Variants in DLGAP2 observed in about 807,000 individuals in gnomAD.
DLGAP2 encodes the protein disks large-associated protein 2.
A neutral mutation model predicts 100.3 loss-of-function variants in DLGAP2; 26 were observed. The ratio of observed to expected loss-of-function variants is 0.26; its 90% CI spans 0.19 to 0.36. The LOEUF (loss-of-function observed/expected upper bound fraction) is 0.36, where lower values mean the gene tolerates loss of function less well. Ranked by LOEUF, DLGAP2 falls within the 10% of genes least tolerant of loss-of-function variation. The probability of loss-of-function intolerance (pLI) is 1.00; values close to 1 mark genes in which losing one functional copy is unlikely to be tolerated. For missense variants in DLGAP2, 1,858 were observed against 1,453.2 expected (o/e 1.28, Z -4.53); for synonymous variants, 886 against 630.1 (o/e 1.41, Z -6.08).
At chr8:1,674,882 T>A (rs959935166) in intron 10 of DLGAP2, among the ~76,000 whole-genome samples, 1 of 152,212 alleles carries the variant, frequency 6.6e-6, no homozygotes, top group African/African-American at 2.4e-5. Flanking sequence ...TGTACAGACA[T>A]GGAATTTTAA....
At chr8:1,249,963 C>T (rs1297896334) in intron 2 of DLGAP2, among the ~76,000 whole-genome samples, 1 of 152,118 alleles carries the variant, frequency 6.6e-6, no homozygotes, top group Non-Finnish European at 1.5e-5. Context: ...TCACTGCAAC[C>T]TCTGCCTCCC....
intron 2 of DLGAP2, among the ~76,000 whole-genome samples, chr8:990,354 T>C (rs13264857): frequency 0.03 from 1,689 of 56,586 alleles, 9 homozygotes; most frequent in African/African-American, 0.047. Context: ...CTTCTCTCCC[T>C]CCTTGCCCGG....
At chr8:1,420,845 G>T (rs1219575015) in intron 3 of DLGAP2, among the ~76,000 whole-genome samples, 5 of 152,158 alleles carry the variant, frequency 3.3e-5, no homozygotes, top group African/African-American at 1.2e-4. Context: ...TTTCAGAGGT[G>T]CTTCCCCATC....
chr8:822,223 T>C, intron 1 of DLGAP2: 1 of 399,308 alleles, frequency 2.5e-6, no homozygotes, highest in South Asian at 1.3e-4. Flanking sequence ...TTGCTTCCTG[T>C]GTGTGTCCGT....
intron 2 of DLGAP2, among the ~76,000 whole-genome samples, chr8:995,209 C>T (rs1358370094): frequency 6.6e-6 from 1 of 151,984 alleles, no homozygotes; most frequent in Non-Finnish European, 1.5e-5. Context: ...TTTCACATTA[C>T]CGTATAAAAC....
intron 4 of DLGAP2, 38 bp from the exon 5 acceptor site, chr8:1,548,588 G>T (rs1412358043): frequency 6.9e-7 from 1 of 1,444,208 alleles, no homozygotes; most frequent in Non-Finnish European, 9.1e-7. Flanking sequence ...TTTCCGCCGC[G>T]CTTCCGGGTG....
intron 2 of DLGAP2, among the ~76,000 whole-genome samples, chr8:967,079 G>C (rs1366371734): frequency 1.3e-5 from 2 of 152,234 alleles, no homozygotes. Flanking sequence ...AAACTTCTTT[G>C]TGTATTTACC....
At chr8:1,169,004 T>A (rs970242419) in intron 2 of DLGAP2, among the ~76,000 whole-genome samples, 24 of 149,378 alleles carry the variant, frequency 1.6e-4, no homozygotes, top group South Asian at 6.5e-4. Flanking sequence ...CTAGGTTTTT[T>A]ATGGTTTTAG....
rs142601984 is a variant in DLGAP2, at chr8:931,948, G to A, written c.73+23982G>A. ...GAGGGGATGTTTGGTCCCCATGGCT[G>A]GAAGGAAACGGAGGAATGTTTGCCT... On this transcript the variant is annotated intron_variant, in intron 2 of 14. Transcript: ENST00000637795. Among the ~76,000 whole-genome samples, 35 of 152,310 alleles carry A rather than the reference G, an allele frequency of 2.3e-4. 1 individual carries two copies. Among genetic ancestry groups the A allele is most frequent in the African/African-American group, 8.2e-4 (34 of 41,562 alleles).
At chr8:1,677,364 T>A (rs774803644) in intron 11 of DLGAP2, among the ~76,000 whole-genome samples, 38 of 152,266 alleles carry the variant, frequency 2.5e-4, no homozygotes, top group Non-Finnish European at 4.0e-4. Context: ...CTGCCTTCCA[T>A]CCTGCTCTGT....
chr8:1,217,472 C>A (rs1798237218), intron 2 of DLGAP2, among the ~76,000 whole-genome samples: 1 of 152,120 alleles, frequency 6.6e-6, no homozygotes, highest in Middle Eastern at 3.4e-3. Context: ...GGGTATATAC[C>A]CAGTAATTGG....
intron 2 of DLGAP2, among the ~76,000 whole-genome samples, chr8:1,194,214 A>G (rs1403854312): frequency 1.3e-5 from 2 of 152,094 alleles, no homozygotes; most frequent in Non-Finnish European, 2.9e-5. Flanking sequence ...CCTTGTTCTC[A>G]GCCCGACTCA....
At chr8:751,317 G>A (rs994614968) in intron 1 of DLGAP2, among the ~76,000 whole-genome samples, 16 of 149,284 alleles carry the variant, frequency 1.1e-4, no homozygotes, top group East Asian at 4.0e-4. Flanking sequence ...ACCCTCTCAC[G>A]GAAAGGAGCA....
intron 2 of DLGAP2, among the ~76,000 whole-genome samples, chr8:1,254,322 C>G (rs1218922463): frequency 6.6e-6 from 1 of 152,174 alleles, no homozygotes; most frequent in Non-Finnish European, 1.5e-5. Flanking sequence ...TCCATCAAGG[C>G]CTCGTGGTCT....
chr8:1,040,363 C>CGT, intron 2 of DLGAP2, among the ~76,000 whole-genome samples: 1 of 132,310 alleles, frequency 7.6e-6, no homozygotes, highest in East Asian at 2.2e-4. Context: ...GCTCAGTGTG[C>CGT]GTGGTCAGCT....
At chr8:1,422,208 CAG>C (rs1797107890) in intron 3 of DLGAP2, among the ~76,000 whole-genome samples, 2 of 152,140 alleles carry the variant, frequency 1.3e-5, no homozygotes, top group Admixed American at 6.5e-5. Context: ...GAGAAAGACA[CAG>C]ACCCTCCTGA....
chr8:1,190,350 C>G (rs968271994), intron 2 of DLGAP2, among the ~76,000 whole-genome samples: 7 of 152,122 alleles, frequency 4.6e-5, no homozygotes, highest in Non-Finnish European at 4.4e-5. Flanking sequence ...GATGCTGAGG[C>G]CTGTGTTAGT....
Position 1,549,300 on chromosome 8 carries a change from C to T in DLGAP2, c.847C>T (p.Arg283Cys), listed in dbSNP as rs1253496098. The T allele has an allele frequency of 6.2e-7, 1 of 1,612,346 alleles. No homozygotes were observed. The highest frequency in any genetic ancestry group is 2.2e-5 in the East Asian group (1 of 44,850). The change falls in exon 5 of 15, where the codon CGC becomes TGC. Residue 283 changes from arginine to cysteine, a missense_variant. Physicochemically the swap from Arg to Cys is radical, Grantham distance 180 (BLOSUM62 -3). Transcript: ENST00000637795. ...KHSKRSKSKERKPEGKPRPGM... is the reference protein window; with the variant it reads ...KHSKRSKSKECKPEGKPRPGM... ...CAGCAAGAGGAGCAAGAGCAAGGAGCGCAAGCCGGAGGGCAAGCCCCGGCC... is the reference window on the plus strand; with the variant it reads ...CAGCAAGAGGAGCAAGAGCAAGGAGTGCAAGCCGGAGGGCAAGCCCCGGCC...
chr8:936,557 C>A (rs1193246662), intron 2 of DLGAP2, among the ~76,000 whole-genome samples: 1 of 152,136 alleles, frequency 6.6e-6, no homozygotes, highest in East Asian at 1.9e-4. Context: ...GAAGGAAACA[C>A]ACTTAGACAT....
Sources: allele counts gnomAD v4.1 joint callset (sites outside exome capture counted in the v4.1 genomes callset), GRCh38; gene constraint gnomAD v4.1.1; transcripts MANE v1.5; gene names NCBI Gene and HGNC (gene_info 2026-07-23, HGNC 2026-07-21).